The following KIF26B variants were observed in gnomAD, a reference collection of about 807,000 sequenced individuals.
The protein encoded by KIF26B is kinesin family member 26B.
KIF26B carries 63 observed loss-of-function variants against 151.2 expected under a neutral mutation model. The observed-to-expected ratio is 0.42, with a 90% CI of 0.34 to 0.51. The LOEUF (loss-of-function observed/expected upper bound fraction) is 0.51, where lower values mean the gene tolerates loss of function less well. Ranked by LOEUF, KIF26B falls within the 20% of genes least tolerant of loss-of-function variation. The pLI, the probability that KIF26B is intolerant of heterozygous loss-of-function variation, is 0.07. For synonymous variants in KIF26B, 1,357 were observed against 1,262.1 expected (o/e 1.08, Z -1.59); for missense variants, 2,813 against 2,913.6 (o/e 0.97, Z 0.79).
At chr1:245,398,271 A>C (rs1169673654) in intron 3 of KIF26B, among the ~76,000 whole-genome samples, 1 of 151,854 alleles carries the variant, frequency 6.6e-6, no homozygotes, top group East Asian at 1.9e-4. Context: ...CAGTTCCTTT[A>C]CTCTTTGATC....
intron 2 of KIF26B, among the ~76,000 whole-genome samples, chr1:245,189,016 G>A (rs1280902856): frequency 1.3e-5 from 2 of 152,204 alleles, no homozygotes; most frequent in Non-Finnish European, 2.9e-5. Flanking sequence ...ACTCAGACAG[G>A]AAGTAGAATG....
At chr1:245,625,233 T>C (rs1280217050) in intron 9 of KIF26B, among the ~76,000 whole-genome samples, 1 of 152,240 alleles carries the variant, frequency 6.6e-6, no homozygotes, top group Non-Finnish European at 1.5e-5. Context: ...AAAGTTGTTT[T>C]GGCTATTCAG....
At chr1:245,199,860 C>T (rs546558427) in intron 2 of KIF26B, among the ~76,000 whole-genome samples, 27 of 151,964 alleles carry the variant, frequency 1.8e-4, no homozygotes, top group African/African-American at 6.3e-4. Context: ...TCCACTTGTT[C>T]ATTGATTTAT....
intron 9 of KIF26B, among the ~76,000 whole-genome samples, chr1:245,627,744 TAAAGA>T (rs1276314605): frequency 6.7e-6 from 1 of 150,044 alleles, no homozygotes. Flanking sequence ...ACTAGACTAA[TAAAGA>T]AGAAAAGGAG....
chr1:245,392,257 C>T (rs113848884), intron 3 of KIF26B, among the ~76,000 whole-genome samples: 1,768 of 152,266 alleles, frequency 0.012, 38 homozygotes, highest in African/African-American at 0.04. Flanking sequence ...GAAATATTCA[C>T]TTCTTGTCTT....
chr1:245,432,010 T>C (rs1189349573), intron 4 of KIF26B, among the ~76,000 whole-genome samples: 1 of 152,068 alleles, frequency 6.6e-6, no homozygotes, highest in Non-Finnish European at 1.5e-5. Flanking sequence ...GGCTTTGTTC[T>C]TCTGCTTGGC....
chr1:245,499,736 CA>C (rs767973887), intron 4 of KIF26B, among the ~76,000 whole-genome samples: 1 of 152,204 alleles, frequency 6.6e-6, no homozygotes, highest in Non-Finnish European at 1.5e-5. Flanking sequence ...CTCCGTTAGC[CA>C]ATTGCTGTCC....
intron 3 of KIF26B, among the ~76,000 whole-genome samples, chr1:245,384,321 T>A (rs1383053803): frequency 6.6e-6 from 1 of 152,248 alleles, no homozygotes; most frequent in East Asian, 1.9e-4. Context: ...CTACCACTTG[T>A]GTACTTACTA....
At chr1:245,668,746 G>A (rs1171490849) in intron 10 of KIF26B, among the ~76,000 whole-genome samples, 3 of 152,070 alleles carry the variant, frequency 2.0e-5, no homozygotes, top group African/African-American at 7.3e-5. Flanking sequence ...CTGGAGTGCA[G>A]TGGCACAATC....
intron 2 of KIF26B, among the ~76,000 whole-genome samples, chr1:245,158,870 G>GTGTGTGGT (rs556695816): frequency 0.2 from 8,466 of 42,470 alleles, 299 homozygotes; most frequent in Non-Finnish European, 0.32. Context: ...GTGTGTGTGT[G>GTGTGTGGT]GTGTGTGTTT....
At chr1:245,354,947 G>C (rs1672653477) in intron 2 of KIF26B, among the ~76,000 whole-genome samples, 1 of 152,148 alleles carries the variant, frequency 6.6e-6, no homozygotes, top group Non-Finnish European at 1.5e-5. Flanking sequence ...TTGAGACGGA[G>C]TCTCGCTCTG....
intron 5 of KIF26B, among the ~76,000 whole-genome samples, chr1:245,586,741 CCGGGCGCGGTGG>C (rs1398673101): frequency 6.6e-6 from 1 of 151,614 alleles, no homozygotes; most frequent in East Asian, 1.9e-4. Context: ...AAAAAATTAG[CCGGGCGCGGTGG>C]CGGGCGCCTG....
Position 245,686,178 on chromosome 1 carries a change from C to A in KIF26B, c.3195C>A (p.Ser1065=), listed in dbSNP as rs776911558. Residue 1065 remains serine, a synonymous_variant, in exon 12 of 15, where the codon TCC becomes TCA. Coordinates refer to ENST00000407071, the MANE Select transcript of KIF26B (RefSeq NM_018012.4). This position sits in a 1 kb window ranked among gnomAD's most constrained non-coding sequence, Gnocchi z 5.6. ...FVEGKPRPMG[S]PRLGIASLSK... is the part of the protein sequence containing the mutation. ...AAGGCAAGCCCAGGCCCATGGGCTCCCCCCGGCTGGGCATCGCCAGCCTGT... is the reference window on the plus strand; with the variant it reads ...AAGGCAAGCCCAGGCCCATGGGCTCACCCCGGCTGGGCATCGCCAGCCTGT... The A allele has an allele frequency of 6.2e-7, 1 of 1,612,258 alleles. No individual in the cohort carries two copies. The highest frequency in any genetic ancestry group is 1.1e-5 in the South Asian group (1 of 91,076).
At chr1:245,591,279 T>C (rs147290173) in intron 5 of KIF26B, among the ~76,000 whole-genome samples, 8 of 152,368 alleles carry the variant, frequency 5.3e-5, no homozygotes, top group African/African-American at 9.6e-5. Flanking sequence ...TCAGGATCTG[T>C]CTGCCTTCAG....
rs369401446 is a variant in KIF26B, at chr1:245,422,279, AT to A, written c.1166+2537del. On this transcript the variant is annotated intron_variant, in intron 4 of 14. Coordinates refer to ENST00000407071, the MANE Select transcript of KIF26B (RefSeq NM_018012.4). Reference sequence around the variant, plus strand: ...TGAAAAAGAACAATTCTTTCTATAGATTTCCCCCCCACCCTTTACTCATTAC... The same window carrying A: ...TGAAAAAGAACAATTCTTTCTATAGATTCCCCCCCACCCTTTACTCATTAC... 2.1e-3 allele frequency among the ~76,000 whole-genome samples: 322 copies of A among 151,954 alleles called. 2 individuals are homozygous for A. The highest frequency in any genetic ancestry group is 6.8e-3 in the African/African-American group (282 of 41,450).
At chr1:245,663,512 C>G (rs1367010500) in intron 10 of KIF26B, among the ~76,000 whole-genome samples, 1 of 151,946 alleles carries the variant, frequency 6.6e-6, no homozygotes, top group Non-Finnish European at 1.5e-5. Context: ...TCTGCTGGCT[C>G]TTTCTCATGG....
intron 2 of KIF26B, among the ~76,000 whole-genome samples, chr1:245,343,075 G>GTTTTTGCA: frequency 9.4e-6 from 1 of 106,636 alleles, no homozygotes; most frequent in Middle Eastern, 5.1e-3. Flanking sequence ...AACAGAGCGA[G>GTTTTTGCA]ACTCCATCTC....
At chr1:245,334,605 C>T (rs1482607170) in intron 2 of KIF26B, among the ~76,000 whole-genome samples, 1 of 152,154 alleles carries the variant, frequency 6.6e-6, no homozygotes, top group African/African-American at 2.4e-5. Context: ...GACCCCGGCT[C>T]CCTGGAGGGT....
chr1:245,230,918 TCAAA>T (rs1423312945), intron 2 of KIF26B, among the ~76,000 whole-genome samples: 1 of 151,276 alleles, frequency 6.6e-6, no homozygotes, highest in African/African-American at 2.4e-5. Context: ...TTGAAAAATC[TCAAA>T]CAAAATGCTG....
Sources: gnomAD v4.1 joint callset for allele counts (sites outside exome capture counted in the v4.1 genomes callset) on GRCh38, gnomAD v4.1.1 for gene constraint, Gnocchi (gnomAD v3.1) non-coding constraint, MANE v1.5 for transcripts, NCBI Gene and HGNC (gene_info 2026-07-23, HGNC 2026-07-21) for gene names.